The following DCDC2C variants were observed in gnomAD, a reference collection of about 807,000 sequenced individuals.
DCDC2C encodes the protein doublecortin domain-containing protein 2C.
A neutral mutation model predicts 45.0 loss-of-function variants in DCDC2C; 44 were observed. That is an observed-to-expected ratio of 0.98 (90% CI 0.77 to 1.26). DCDC2C has a LOEUF of 1.26. DCDC2C is among the 50% of genes most tolerant of loss of function. The pLI is 0.00. For missense variants in DCDC2C, 447 were observed against 468.9 expected (o/e 0.95, Z 0.43); for synonymous variants, 187 against 178.8 (o/e 1.05, Z -0.37).
At chr2:3,735,306 C>T (rs113044774) in intron 3 of DCDC2C, among the ~76,000 whole-genome samples, 1 of 151,452 alleles carries the variant, frequency 6.6e-6, no homozygotes, top group African/African-American at 2.4e-5. Flanking sequence ...GGTACCCGTG[C>T]ACAATGTGCA....
intron 4 of DCDC2C, among the ~76,000 whole-genome samples, chr2:3,747,133 G>A (rs920372833): frequency 1.2e-4 from 19 of 152,152 alleles, no homozygotes; most frequent in Admixed American, 9.8e-4. Flanking sequence ...ATGCCAGGGC[G>A]GGACACACAT....
intron 8 of DCDC2C, among the ~76,000 whole-genome samples, chr2:3,777,633 C>T (rs554132797): frequency 7.2e-5 from 11 of 152,112 alleles, no homozygotes; most frequent in East Asian, 1.9e-4. Context: ...TTATTCATTG[C>T]GACTGCTTTT....
chr2:3,749,715 GT>G (rs957677948), intron 4 of DCDC2C, among the ~76,000 whole-genome samples: 1 of 152,186 alleles, frequency 6.6e-6, no homozygotes, highest in African/African-American at 2.4e-5. Flanking sequence ...CCACAGTTTG[GT>G]GGCCATGGCT....
intron 8 of DCDC2C, among the ~76,000 whole-genome samples, chr2:3,775,946 GGCTCTGAGCTAGGCAGCTGTC>G (rs1187535234): frequency 1.5e-4 from 18 of 123,792 alleles, no homozygotes; most frequent in African/African-American, 4.9e-4. Flanking sequence ...AGGCAGCTGT[GGCTCTGAGCTAGGCAGCTGTC>G]GCTGTGGGCT....
At chr2:3,802,406 C>T (rs539011799) in intron 10 of DCDC2C, among the ~76,000 whole-genome samples, 5 of 152,304 alleles carry the variant, frequency 3.3e-5, no homozygotes, top group African/African-American at 1.2e-4. Context: ...CTTCTTTCAG[C>T]CCTGGAGGTA....
At chr2:3,735,371 A>G (rs1449718378) in intron 3 of DCDC2C, among the ~76,000 whole-genome samples, 6 of 151,852 alleles carry the variant, frequency 4.0e-5, no homozygotes, top group African/African-American at 7.3e-5. Context: ...CCATTAACTC[A>G]TCATTTAGCA....
intron 10 of DCDC2C, among the ~76,000 whole-genome samples, chr2:3,823,947 A>G (rs1007783106): frequency 6.6e-6 from 1 of 152,178 alleles, no homozygotes; most frequent in African/African-American, 2.4e-5. Flanking sequence ...CTTTGTTGCA[A>G]CTCATCAGCT....
At position 3,837,661 on chromosome 2, in the gene DCDC2C, CATACCT is replaced by C. The variant is rs1672115048; in HGVS notation, c.1066-9491_1066-9486del. Among the ~76,000 whole-genome samples, 5 of 98,912 alleles carry C rather than the reference CATACCT, an allele frequency of 5.1e-5. 1 individual carries two copies. The highest frequency in any genetic ancestry group is 7.1e-5 in the Non-Finnish European group (3 of 42,100). The allele number at this position is 98,912 out of a possible 152,430, so 64.9% of individuals were successfully genotyped here. A position where few individuals can be genotyped will look rare whatever the true frequency, so the allele number is the denominator to read the frequency against. On this transcript the variant is annotated intron_variant, in intron 10 of 10. Transcript: ENST00000399143. The stretch of plus-strand genomic sequence containing the variant: ...TGGCTCCCCCTTTCTGTCACACCTA[CATACCT>C]AGTCTAGCAACAATTTTGCTAGACC...
intron 10 of DCDC2C, 96 bp downstream of exon 10, chr2:3,785,196 T>G (rs1208728891): frequency 1.0e-6 from 1 of 954,396 alleles, no homozygotes; most frequent in African/African-American, 1.7e-5. Flanking sequence ...TCTCAGGTGC[T>G]TTTTAGGAAT....
intron 6 of DCDC2C, among the ~76,000 whole-genome samples, chr2:3,763,260 C>T (rs943676191): frequency 1.3e-5 from 2 of 152,136 alleles, no homozygotes; most frequent in African/African-American, 2.4e-5. Context: ...GTCCCCAGCA[C>T]AGCCCCAGGA....
In DCDC2C at chr2:3,814,662, T is replaced by G. The variant is rs538101852; in HGVS notation, c.1065+29562T>G. Among the ~76,000 whole-genome samples the G allele has an allele frequency of 1.8e-4, 27 of 152,346 alleles. No homozygotes were observed. In the South Asian group the frequency reaches 5.6e-3, roughly 32 times the overall value. ...CTTTCTCAGAACTACCAGAAGGAAA[T>G]GCTAAGTCTGCTGGTCTGCAGAGAC... On this transcript the variant is annotated intron_variant, in intron 10 of 10. Coordinates refer to ENST00000399143, the MANE Select transcript of DCDC2C (RefSeq NM_001287444.2).
chr2:3,779,856 G>C (rs1670463260), intron 9 of DCDC2C, among the ~76,000 whole-genome samples: 1 of 152,158 alleles, frequency 6.6e-6, no homozygotes, highest in African/African-American at 2.4e-5. Flanking sequence ...TAGGGAGCTT[G>C]TGCCAGGGTG....
intron 5 of DCDC2C, 67 bp from the exon 6 acceptor site, chr2:3,754,525 C>A: frequency 6.7e-7 from 1 of 1,499,854 alleles, no homozygotes; most frequent in South Asian, 1.2e-5. Context: ...AGGCTGCAGT[C>A]TGCATTTTAT....
chr2:3,813,990 G>A (rs188950557), intron 10 of DCDC2C, among the ~76,000 whole-genome samples: 1 of 152,250 alleles, frequency 6.6e-6, no homozygotes, highest in Non-Finnish European at 1.5e-5. Flanking sequence ...AGTTGTTTAT[G>A]TGGTTGCTTC....
intron 2 of DCDC2C, among the ~76,000 whole-genome samples, chr2:3,709,186 A>G (rs943627391): frequency 6.6e-6 from 1 of 152,214 alleles, no homozygotes; most frequent in Non-Finnish European, 1.5e-5. Flanking sequence ...TGACTTAAAA[A>G]CGGACTTATT....
chr2:3,813,667 G>C (rs1399357170), intron 10 of DCDC2C, among the ~76,000 whole-genome samples: 1 of 137,416 alleles, frequency 7.3e-6, no homozygotes, highest in Non-Finnish European at 1.5e-5. Flanking sequence ...ATTATGTAAT[G>C]CCTCTCTTTT....
rs1390788359 is a variant in DCDC2C at position 3,734,359 on chromosome 2, G to A, written c.416+7280G>A. Among the ~76,000 whole-genome samples the A allele has an allele frequency of 6.6e-6, 1 of 152,184 alleles. No individual in the cohort carries two copies. Among genetic ancestry groups the A allele is most frequent in the East Asian group, 1.9e-4 (1 of 5,192 alleles). On this transcript the variant is annotated intron_variant, in intron 3 of 10. Transcript: ENST00000399143. This position sits in a 1 kb window ranked among gnomAD's most constrained non-coding sequence, Gnocchi z 4.2. ...GATAGGAGCCATCGACATAAAGAGC[G>A]AGATCTACTTAGGGCAGAGGGGTTT...
At chr2:3,733,638 T>G (rs1668938034) in intron 3 of DCDC2C, among the ~76,000 whole-genome samples, 1 of 152,220 alleles carries the variant, frequency 6.6e-6, no homozygotes, top group Non-Finnish European at 1.5e-5. Flanking sequence ...GCTGCACAGT[T>G]GTGCCTTCTT....
chr2:3,733,128 T>C (rs189018447), intron 3 of DCDC2C, among the ~76,000 whole-genome samples: 1,579 of 152,300 alleles, frequency 0.01, 15 homozygotes, highest in Non-Finnish European at 0.015. Context: ...AACATGCAGA[T>C]CAGTGTGGGG....
Sources: gnomAD v4.1 joint callset for allele counts (sites outside exome capture counted in the v4.1 genomes callset) on GRCh38, gnomAD v4.1.1 for gene constraint, Gnocchi (gnomAD v3.1) non-coding constraint, MANE v1.5 for transcripts, NCBI Gene and HGNC (gene_info 2026-07-23, HGNC 2026-07-21) for gene names.